RBKS: variants seen among roughly 807,000 people sequenced by gnomAD.
The protein encoded by RBKS is ribokinase.
RBKS carries 33 observed loss-of-function variants against 33.9 expected under a neutral mutation model. That is an observed-to-expected ratio of 0.97 (90% confidence interval 0.74 to 1.30). The LOEUF (loss-of-function observed/expected upper bound fraction) is 1.30, where lower values mean the gene tolerates loss of function less well. Among genes scored for constraint, RBKS ranks in the 50% most tolerant of loss-of-function variants. RBKS has a pLI of 0.00. For synonymous variants in RBKS, 125 were observed against 143.0 expected, an observed-to-expected ratio of 0.87 and a Z score of 0.90; for missense variants, 361 against 392.6, an observed-to-expected ratio of 0.92 and a Z score of 0.68.
chr2:27,856,957 AATCT>A (rs2148218591), intron 2 of RBKS, among the ~76,000 whole-genome samples: 1 of 152,292 alleles, frequency 6.6e-6, no homozygotes, highest in African/African-American at 2.4e-5. Flanking sequence ...TGATATTTTA[AATCT>A]ATCAAGAGCT....
intron 7 of RBKS, among the ~76,000 whole-genome samples, chr2:27,826,977 C>T (rs1192418185): frequency 6.8e-6 from 1 of 147,828 alleles, no homozygotes; most frequent in Non-Finnish European, 1.5e-5. Flanking sequence ...ACTTGTCTCA[C>T]AGAATTGTTT....
At chr2:27,849,218 T>G (rs898310890) in intron 2 of RBKS, among the ~76,000 whole-genome samples, 1 of 152,138 alleles carries the variant, frequency 6.6e-6, no homozygotes, top group Non-Finnish European at 1.5e-5. Context: ...TATTTTTTTT[T>G]GCTTAAGCTA....
chr2:27,843,024 G>T (rs374538566), intron 5 of RBKS, 43 bp downstream of exon 5: 1 of 1,434,286 alleles, frequency 7.0e-7, no homozygotes, highest in Non-Finnish European at 9.4e-7. Context: ...TTAAGACAGC[G>T]ATAAAAGCTT....
At chr2:27,791,157 A>G (rs1350969538) in intron 7 of RBKS, among the ~76,000 whole-genome samples, 1 of 152,248 alleles carries the variant, frequency 6.6e-6, no homozygotes, top group East Asian at 1.9e-4. Flanking sequence ...AAGTGGGAGA[A>G]GCCAGGCACA....
intron 2 of RBKS, among the ~76,000 whole-genome samples, chr2:27,856,270 C>A (rs1257430349): frequency 6.6e-6 from 1 of 152,134 alleles, no homozygotes; most frequent in Non-Finnish European, 1.5e-5. Flanking sequence ...GGCTAAAATC[C>A]ACTGTGGTGC....
chr2:27,791,643 CTAA>C (rs1558533644), intron 7 of RBKS, among the ~76,000 whole-genome samples: 6 of 123,156 alleles, frequency 4.9e-5, no homozygotes, highest in African/African-American at 1.7e-4. Flanking sequence ...CACACACACA[CTAA>C]ATATACATAT....
intron 7 of RBKS, among the ~76,000 whole-genome samples, chr2:27,806,932 T>C (rs1261811686): frequency 2.0e-5 from 3 of 152,240 alleles, no homozygotes; most frequent in Non-Finnish European, 4.4e-5. Flanking sequence ...TTTAGGGCCA[T>C]ATTTTGAGAA....
In RBKS at chr2:27,847,193, G is replaced by A. The variant is rs1663638480; in HGVS notation, c.287-89C>T. On this transcript the variant is annotated intron_variant, in intron 3 of 7. Transcript: ENST00000302188. ...AATTTCAATACAACACTAATCCTTG[G>A]AAAACCTTTTTAACCTTTAACCATC... The A allele has an allele frequency of 2.1e-5, 16 of 761,276 alleles. No homozygotes were observed. The South Asian group carries it at 2.7e-4, about 13-fold the overall frequency. 47.2% of individuals were successfully genotyped at this position (761,276 alleles called of 1,614,324 possible). A position where few individuals can be genotyped will look rare whatever the true frequency, so the allele number is the denominator to read the frequency against.
intron 2 of RBKS, among the ~76,000 whole-genome samples, chr2:27,853,739 G>A (rs1663796404): frequency 6.6e-6 from 1 of 152,184 alleles, no homozygotes; most frequent in Admixed American, 6.5e-5. Context: ...AGTGGTGATA[G>A]GTTTGAGATA....
chr2:27,835,001 C>A (rs1043548948), intron 5 of RBKS, among the ~76,000 whole-genome samples: 6 of 152,122 alleles, frequency 3.9e-5, no homozygotes, highest in Non-Finnish European at 7.4e-5. Flanking sequence ...ATAGGCTGGG[C>A]GTGGTGGCTC....
intron 7 of RBKS, among the ~76,000 whole-genome samples, chr2:27,801,950 GAAAAAA>G (rs1217494223): frequency 2.5e-5 from 1 of 40,518 alleles, no homozygotes; most frequent in African/African-American, 1.2e-4. Flanking sequence ...AGTAGCTGGG[GAAAAAA>G]AAAAAAAATA....
intron 2 of RBKS, among the ~76,000 whole-genome samples, chr2:27,849,907 T>C (rs1663704872): frequency 1.3e-5 from 2 of 152,206 alleles, no homozygotes; most frequent in Admixed American, 6.5e-5. Context: ...TTGATACTAA[T>C]GCTGGCATCT....
At chr2:27,836,174 C>T (rs1264278557) in intron 5 of RBKS, among the ~76,000 whole-genome samples, 2 of 152,116 alleles carry the variant, frequency 1.3e-5, no homozygotes, top group Non-Finnish European at 2.9e-5. Flanking sequence ...GAGATCATGC[C>T]ACTGCACTCC....
In RBKS at chr2:27,890,159, T is replaced by A. The variant is rs1558562766; in HGVS notation, c.89+98A>T. The A allele has an allele frequency of 5.4e-6, 6 of 1,115,310 alleles. No individual in the cohort carries two copies. Among genetic ancestry groups the A allele is most frequent in the Admixed American group, 3.9e-5 (2 of 51,876 alleles). The allele number at this position is 1,115,310 out of a possible 1,614,324, so 69.1% of individuals were successfully genotyped here. ...TCATACCCAAAGCTAGCACTGTCTA[T>A]CCCTGGAGACCCAGCGCCCAAAAGC... On this transcript the variant is annotated intron_variant, in intron 1 of 7. Transcript: ENST00000302188. This position sits in a 1 kb window ranked among gnomAD's most constrained non-coding sequence, Gnocchi z 4.8.
At chr2:27,882,713 G>A (rs994858073) in intron 1 of RBKS, among the ~76,000 whole-genome samples, 1 of 152,216 alleles carries the variant, frequency 6.6e-6, no homozygotes, top group African/African-American at 2.4e-5. Context: ...TAAAGAAAAT[G>A]TGGTACATAT....
chr2:27,809,193 T>C (rs1266208093), intron 7 of RBKS, among the ~76,000 whole-genome samples: 1 of 152,244 alleles, frequency 6.6e-6, no homozygotes, highest in Admixed American at 6.5e-5. Flanking sequence ...TGAAGGACAC[T>C]GTCACCCTGA....
rs749736652 is a variant in RBKS, at chr2:27,889,171, A to T, written c.89+1086T>A. 4.1e-4 allele frequency among the ~76,000 whole-genome samples: 63 copies of T among 152,192 alleles called. 2 individuals carry two copies. The highest frequency in any genetic ancestry group is 5.9e-4 in the Admixed American group (9 of 15,288). ...GTGGAAATTTGGTAACACAGCTTAT[A>T]AATATTTTAAGGTAAGGTTAAATTG... On this transcript the variant is annotated intron_variant, in intron 1 of 7. Transcript: ENST00000302188.
chr2:27,796,058 G>A (rs528300037), intron 7 of RBKS, among the ~76,000 whole-genome samples: 2 of 152,262 alleles, frequency 1.3e-5, no homozygotes, highest in South Asian at 2.1e-4. Flanking sequence ...TGAACTACAC[G>A]TGACTTTCTT....
chr2:27,882,462 C>G (rs1027818943), intron 1 of RBKS, among the ~76,000 whole-genome samples: 3 of 152,162 alleles, frequency 2.0e-5, no homozygotes, highest in African/African-American at 4.8e-5. Flanking sequence ...AAAAGGAATG[C>G]TTATACACTG....
Sources: allele counts gnomAD v4.1 joint callset (sites outside exome capture counted in the v4.1 genomes callset), GRCh38; gene constraint gnomAD v4.1.1; non-coding constraint Gnocchi (gnomAD v3.1); transcripts MANE v1.5; gene names NCBI Gene and HGNC (gene_info 2026-07-23, HGNC 2026-07-21).